Variants in NLRP12 observed in about 807,000 individuals in gnomAD.
NLRP12 encodes the protein NACHT, LRR and PYD domains-containing protein 12.
NLRP12 carries 108 observed loss-of-function variants against 91.2 expected under a neutral mutation model. The observed-to-expected ratio is 1.18, with a 90% CI of 1.01 to 1.39. The LOEUF (loss-of-function observed/expected upper bound fraction) is 1.39, where lower values mean the gene tolerates loss of function less well. Ranked by LOEUF, NLRP12 falls within the 40% of genes most tolerant of loss-of-function variation. The probability of loss-of-function intolerance (pLI) is 0.00; values close to 1 mark genes in which losing one functional copy is unlikely to be tolerated. For missense variants in NLRP12, 1,530 were observed against 1,352.7 expected (o/e 1.13, Z -2.06); for synonymous variants, 613 against 566.7 (o/e 1.08, Z -1.16).
chr19:53,807,545 C>G lies in NLRP12; in HGVS notation c.2193G>C (p.Lys731Asn). The change falls in exon 4 of 10, where the codon AAG (lysine) becomes AAC (asparagine). Residue 731 changes from lysine (K) to asparagine (N), a missense_variant. Transcript: ENST00000324134. ...GGTGTCTGAGTCCTTGACAGAGCAG[C>G]TTCACCCCCCGGCTGCCCAGGGCAT... ...YRNALGSRGV[K>N]LLCQGLRHPN... is the part of the protein sequence containing the mutation. The G allele has an allele frequency of 6.2e-7, 1 of 1,614,168 alleles. No individual in the cohort carries two copies.
intron 9 of NLRP12, among the ~76,000 whole-genome samples, chr19:53,794,381 G>A (rs1293144597): frequency 6.6e-6 from 1 of 150,734 alleles, no homozygotes; most frequent in Non-Finnish European, 1.5e-5. Context: ...GTGCAGTGGT[G>A]CAATCTCAGC....
chr19:53,819,457 A>G (rs8113298), intron 1 of NLRP12, among the ~76,000 whole-genome samples: 953 of 4,300 alleles, frequency 0.22, 217 homozygotes, highest in African/African-American at 0.27. Context: ...ATATATATAT[A>G]TGTGTGTGTG....
At chr19:53,822,491 G>A (rs1418961881) in intron 1 of NLRP12, among the ~76,000 whole-genome samples, 1 of 151,992 alleles carries the variant, frequency 6.6e-6, no homozygotes. Context: ...CCAGCACTTT[G>A]GGAGGCTGAG....
At chr19:53,819,670 T>C (rs1284587574) in intron 1 of NLRP12, among the ~76,000 whole-genome samples, 1 of 83,992 alleles carries the variant, frequency 1.2e-5, no homozygotes, top group African/African-American at 4.1e-5. Flanking sequence ...CATGTATACA[T>C]ATATGTATGT....
rs142487599 is a variant in NLRP12, at chr19:53,809,805, G to A, written c.1854C>T (p.Tyr618=). 1.1e-5 allele frequency: 17 copies of A among 1,614,094 alleles called. No individual in the cohort carries two copies. Among genetic ancestry groups the A allele is most frequent in the South Asian group, 9.9e-5 (9 of 91,084 alleles). ...GGATAAACTCCTCCTCCTGGATCTC[G>A]TACAAGCAGCTGAAGAACTCCAAGG... ...QGSLEFFSCL[Y]EIQEEEFIQQ... Residue 618 remains tyrosine, a synonymous_variant, in exon 3 of 10, where the codon TAC becomes TAT. Coordinates refer to ENST00000324134, the MANE Select transcript of NLRP12 (RefSeq NM_144687.4).
intron 7 of NLRP12, among the ~76,000 whole-genome samples, chr19:53,799,229 C>T (rs1178715752): frequency 6.6e-6 from 1 of 151,828 alleles, no homozygotes; most frequent in Non-Finnish European, 1.5e-5. Flanking sequence ...CCAGGATGGT[C>T]TCCATCTCTT....
At chr19:53,801,749 C>T (rs958936053) in intron 6 of NLRP12, among the ~76,000 whole-genome samples, 1 of 151,860 alleles carries the variant, frequency 6.6e-6, no homozygotes, top group Non-Finnish European at 1.5e-5. Flanking sequence ...GCCACTGCGC[C>T]TAGGCCCCCA....
chr19:53,801,478 G>A lies in NLRP12; in HGVS notation c.2586-81C>T, dbSNP rs1445337927. ...TTTTTTTTTTTTTTTTTGAGACAGA[G>A]TCCCACTCTGTTGCCCAGGCTGGAA... On this transcript the variant is annotated intron_variant, in intron 6 of 9. Transcript: ENST00000324134. 2.0e-6 allele frequency: 3 copies of A among 1,465,958 alleles called. No homozygotes were observed. In the African/African-American group the frequency reaches 4.9e-5, roughly 24 times the overall value. 90.8% of individuals were successfully genotyped at this position (1,465,958 alleles called of 1,614,324 possible). A position where few individuals can be genotyped will look rare whatever the true frequency, so the allele number is the denominator to read the frequency against.
At chr19:53,801,617 T>C (rs2091876395) in intron 6 of NLRP12, among the ~76,000 whole-genome samples, 1 of 151,238 alleles carries the variant, frequency 6.6e-6, no homozygotes, top group African/African-American at 2.4e-5. Flanking sequence ...CACGCCTAGT[T>C]AGTTTTTGTA....
intron 6 of NLRP12, chr19:53,803,719 G>A (rs1424299413): frequency 1.0e-5 from 5 of 498,892 alleles, no homozygotes; most frequent in Admixed American, 2.5e-5. Flanking sequence ...GATTACAGGC[G>A]TGTGCCACCA....
chr19:53,809,539 A>AAT, intron 3 of NLRP12, 48 bp downstream of exon 3: 14 of 1,469,076 alleles, frequency 9.5e-6, no homozygotes, highest in Non-Finnish European at 1.3e-5. Flanking sequence ...AAAAAAAAAA[A>AAT]AACACACGAA....
At chr19:53,820,714 G>C (rs943384112) in intron 1 of NLRP12, among the ~76,000 whole-genome samples, 3 of 147,410 alleles carry the variant, frequency 2.0e-5, no homozygotes, top group Non-Finnish European at 4.5e-5. Flanking sequence ...TTGAGACGGA[G>C]TCTTGCACTG....
intron 8 of NLRP12, among the ~76,000 whole-genome samples, chr19:53,796,727 T>C (rs1459378202): frequency 1.3e-5 from 2 of 148,906 alleles, no homozygotes; most frequent in Non-Finnish European, 3.0e-5. Flanking sequence ...CCGGGCGTGG[T>C]GGCTCACGCC....
chr19:53,805,282 A>G lies in NLRP12; in HGVS notation c.2412T>C (p.Ile804=). ...LRHPQCRLQM[I]QLRKCQLESG... ...TGCTCCCGGGGATAGAGACTCACTG[A>G]ATCATCTGCAGCCTGCACTGGGGAT... Residue 804 remains isoleucine (I), a splice_region_variant and synonymous_variant, in exon 5 of 10, where the codon ATT becomes ATC. Coordinates refer to ENST00000324134, the MANE Select transcript of NLRP12 (RefSeq NM_144687.4). The G allele has an allele frequency of 2.5e-6, 4 of 1,613,950 alleles. No individual in the cohort carries two copies. The highest frequency in any genetic ancestry group is 3.4e-6 in the Non-Finnish European group (4 of 1,179,908).
chr19:53,797,987 G>C (rs375083161), intron 8 of NLRP12, among the ~76,000 whole-genome samples: 43 of 152,132 alleles, frequency 2.8e-4, no homozygotes, highest in African/African-American at 1.0e-3. Flanking sequence ...CACCCACCTC[G>C]GCTTCCCAAA....
chr19:53,807,386 G>T, intron 4 of NLRP12, 109 bp downstream of exon 4: 1 of 1,124,268 alleles, frequency 8.9e-7, no homozygotes, highest in Non-Finnish European at 1.3e-6. Context: ...CTTTTTTATG[G>T]CAGCCGTAGC....
intron 7 of NLRP12, among the ~76,000 whole-genome samples, chr19:53,800,708 G>A (rs557338684): frequency 1.3e-5 from 2 of 151,864 alleles, no homozygotes; most frequent in South Asian, 2.1e-4. Flanking sequence ...TCAGCCTCGC[G>A]AGTAGCTGGC....
At position 53,801,339 on chromosome 19, in the gene NLRP12, C is replaced by T. The variant is rs371601060; in HGVS notation, c.2644G>A (p.Val882Met). ...TCCAGCTCTCTCAGGCTCTGGTTCA[C>T]ACTGAGAGTTGAGGCCAGCTCGTCA... Reference protein sequence around the residue: ...ACDELASTLSVNQSLRELDLS... With the variant: ...ACDELASTLSMNQSLRELDLS... The change falls in exon 7 of 10, where the codon GTG (valine) becomes ATG (methionine). Residue 882 changes from valine (V) to methionine (M), a missense_variant. Val to Met is a conservative substitution (Grantham distance 21). Coordinates refer to ENST00000324134, the MANE Select transcript of NLRP12 (RefSeq NM_144687.4). 1 of 1,613,932 alleles carries T rather than the reference C, an allele frequency of 6.2e-7. No individual in the cohort carries two copies. Among genetic ancestry groups the T allele is most frequent in the Non-Finnish European group, 8.5e-7 (1 of 1,179,978 alleles).
At position 53,809,870 on chromosome 19, in the gene NLRP12, T is replaced by C; in HGVS notation, c.1789A>G (p.Ser597Gly). The change falls in exon 3 of 10, where the codon AGC becomes GGC. Residue 597 changes from serine to glycine, a missense_variant. Transcript: ENST00000324134. Reference protein sequence around the residue: ...IKMDLLQWIQSKAQSDGSTLQ... With the variant: ...IKMDLLQWIQGKAQSDGSTLQ... ...GTGGAGCCGTCGCTCTGAGCTTTGC[T>C]TTGGATCCACTGCAACAGGTCCATC... is the stretch of plus-strand genomic sequence containing the variant. 2 of 1,614,126 alleles carry C rather than the reference T, an allele frequency of 1.2e-6. No individual in the cohort carries two copies. Among genetic ancestry groups the C allele is most frequent in the South Asian group, 2.2e-5 (2 of 91,080 alleles).
Sources: gnomAD v4.1 joint callset for allele counts (sites outside exome capture counted in the v4.1 genomes callset) on GRCh38, gnomAD v4.1.1 for gene constraint, MANE v1.5 for transcripts, NCBI Gene and HGNC (gene_info 2026-07-23, HGNC 2026-07-21) for gene names.